Variants in IQSEC1 observed in about 807,000 individuals in gnomAD.
IQSEC1 encodes IQ motif and SEC7 domain-containing protein 1.
A neutral mutation model predicts 91.0 loss-of-function variants in IQSEC1; 31 were observed. That is an observed-to-expected ratio of 0.34 (90% CI 0.26 to 0.46). The LOEUF (loss-of-function observed/expected upper bound fraction) is 0.46. IQSEC1 is among the 20% of genes least tolerant of loss of function. The pLI, the probability that IQSEC1 is intolerant of heterozygous loss-of-function variation, is 1.00. For missense variants in IQSEC1, 1,388 were observed against 1,575.6 expected, an observed-to-expected ratio of 0.88 and a Z score of 2.02; for synonymous variants, 699 against 662.6, an observed-to-expected ratio of 1.05 and a Z score of -0.84.
At chr3:13,199,338 G>A (rs1041463320) in intron 1 of IQSEC1, among the ~76,000 whole-genome samples, 4 of 152,222 alleles carry the variant, frequency 2.6e-5, no homozygotes, top group Non-Finnish European at 4.4e-5. Context: ...GGCTCCAATT[G>A]TTGTGACTGA....
At chr3:12,910,263 C>T (rs547345431) in intron 10 of IQSEC1, among the ~76,000 whole-genome samples, 414 of 152,364 alleles carry the variant, frequency 2.7e-3, no homozygotes, top group African/African-American at 9.4e-3. Flanking sequence ...CCTGGAATGA[C>T]GGCATGTCCT....
intron 1 of IQSEC1, among the ~76,000 whole-genome samples, chr3:13,071,361 C>T (rs1161336865): frequency 2.0e-5 from 3 of 152,094 alleles, no homozygotes; most frequent in Non-Finnish European, 4.4e-5. Flanking sequence ...TGGAGGCAAG[C>T]AGGCACTGGG....
chr3:12,936,651 T>C lies in IQSEC1; in HGVS notation c.365A>G (p.His122Arg), dbSNP rs1342703452. 1.9e-6 allele frequency: 3 copies of C among 1,605,028 alleles called. No individual in the cohort carries two copies. Among genetic ancestry groups the C allele is most frequent in the Admixed American group, 3.4e-5 (2 of 58,996 alleles). Residue 122 changes from histidine (H) to arginine (R), a missense_variant, in exon 3 of 14, where the codon CAT (histidine) becomes CGT (arginine). Coordinates refer to ENST00000613206, the MANE Select transcript of IQSEC1 (RefSeq NM_001134382.3). ...CGCCGTCTGGATGGTGCGGGCCGCA[T>C]GGCGGGTTACCAGGCGCCCCCCATA... ...RKYGGRLVTR[H>R]AARTIQTAFR...
At chr3:12,995,965 A>G (rs576428016) in intron 1 of IQSEC1, among the ~76,000 whole-genome samples, 11 of 152,300 alleles carry the variant, frequency 7.2e-5, no homozygotes, top group Non-Finnish European at 1.0e-4. Context: ...GATCACTTGA[A>G]GCCAAGAGTT....
At chr3:13,215,688 A>G (rs912499141) in intron 1 of IQSEC1, among the ~76,000 whole-genome samples, 2 of 152,224 alleles carry the variant, frequency 1.3e-5, no homozygotes, top group Admixed American at 1.3e-4. Flanking sequence ...GAAGGCCGAC[A>G]TGGCCACTGC....
chr3:13,094,656 T>C (rs966303204), intron 2 of IQSEC1, among the ~76,000 whole-genome samples: 9 of 152,108 alleles, frequency 5.9e-5, no homozygotes, highest in Admixed American at 5.9e-4. Flanking sequence ...TTGTGGAAAC[T>C]GAGGACAGAT....
intron 2 of IQSEC1, among the ~76,000 whole-genome samples, chr3:13,149,884 T>C (rs1321498438): frequency 6.6e-6 from 1 of 152,194 alleles, no homozygotes; most frequent in Non-Finnish European, 1.5e-5. Flanking sequence ...TCATGACCTG[T>C]CTTCAAAGTT....
rs1273661527 is a variant in IQSEC1 at position 12,913,542 on chromosome 3, C to T, written c.2202G>A (p.Leu734=). ...AGTAGCAGACCAACCGACGGTGGGGCAGAGAGAGCACCTGTGTGGGAAGAG... is the reference window on the plus strand; with the variant it reads ...AGTAGCAGACCAACCGACGGTGGGGTAGAGAGAGCACCTGTGTGGGAAGAG... The part of the protein sequence containing the change: ...LHPGLGCVLS[L]PHRRLVCYCR... The change falls in exon 9 of 14, where the codon CTG becomes CTA. Residue 734 remains leucine, a synonymous_variant. Coordinates refer to ENST00000613206, the MANE Select transcript of IQSEC1 (RefSeq NM_001134382.3). 6.2e-7 allele frequency: 1 copy of T among 1,603,938 alleles called. No individual in the cohort carries two copies. Among genetic ancestry groups the T allele is most frequent in the African/African-American group, 1.3e-5 (1 of 74,762 alleles).
At chr3:13,055,922 G>A (rs1704862530) in intron 1 of IQSEC1, among the ~76,000 whole-genome samples, 1 of 152,058 alleles carries the variant, frequency 6.6e-6, no homozygotes, top group African/African-American at 2.4e-5. Flanking sequence ...GCATAGAGAG[G>A]CCCACCTGGC....
chr3:13,053,820 A>G (rs550678134), intron 1 of IQSEC1, among the ~76,000 whole-genome samples: 1 of 152,334 alleles, frequency 6.6e-6, no homozygotes, highest in South Asian at 2.1e-4. Context: ...CTCTTATTAA[A>G]TAAGTCACAT....
chr3:12,975,332 A>G (rs1260768771), intron 1 of IQSEC1, among the ~76,000 whole-genome samples: 4 of 152,218 alleles, frequency 2.6e-5, no homozygotes, highest in African/African-American at 7.2e-5. Context: ...ATGATCTTGA[A>G]TCTTGGGCAA....
At position 12,924,871 on chromosome 3, in the gene IQSEC1, G is replaced by A; in HGVS notation, c.1569-129C>T. On this transcript the variant is annotated intron_variant, in intron 3 of 13. Transcript: ENST00000613206. The surrounding 1 kb of genome is among the most constrained non-coding windows in gnomAD (Gnocchi z 6.3). ...CCCACCTGCACCGGCCTTCATCCCT[G>A]TAGGCATTCAGGGGTCTCTAGTTCC... The A allele has an allele frequency of 1.2e-6, 1 of 853,518 alleles. No homozygotes were observed. Among genetic ancestry groups the A allele is most frequent in the Middle Eastern group, 3.6e-4 (1 of 2,792 alleles). The allele number at this position is 853,518 out of a possible 1,614,324, so 52.9% of individuals were successfully genotyped here.
chr3:12,955,849 G>A (rs1302180323), intron 1 of IQSEC1, among the ~76,000 whole-genome samples: 4 of 152,162 alleles, frequency 2.6e-5, no homozygotes, highest in Non-Finnish European at 4.4e-5. Context: ...GGAGACCTCG[G>A]ACTGCACGGA....
rs962576574 is a variant in IQSEC1, at chr3:12,979,696, C to T, written c.24-37831G>A. ...TGGGTGATAAAGAGACATTAAAGGT[C>T]TGTCAGCATGCCGACCCTCCTGTCT... On this transcript the variant is annotated intron_variant, in intron 1 of 13. Coordinates refer to ENST00000613206, the MANE Select transcript of IQSEC1 (RefSeq NM_001134382.3). The surrounding 1 kb of genome is among the most constrained non-coding windows in gnomAD (Gnocchi z 4.3). Among the ~76,000 whole-genome samples the T allele has an allele frequency of 6.6e-6, 1 of 152,178 alleles. No individual in the cohort carries two copies. Among genetic ancestry groups the T allele is most frequent in the African/African-American group, 2.4e-5 (1 of 41,438 alleles).
intron 1 of IQSEC1, among the ~76,000 whole-genome samples, chr3:12,954,603 G>T (rs958846147): frequency 6.6e-5 from 10 of 152,234 alleles, no homozygotes; most frequent in Non-Finnish European, 1.3e-4. Context: ...TCACAGCATG[G>T]CTCCATATCT....
At chr3:13,007,303 G>T (rs1702678402) in intron 1 of IQSEC1, among the ~76,000 whole-genome samples, 1 of 152,238 alleles carries the variant, frequency 6.6e-6, no homozygotes, top group Admixed American at 6.5e-5. Context: ...GACAGAGCAG[G>T]TGGGGCTGGC....
chr3:12,923,189 CG>C (rs1222259669), intron 4 of IQSEC1, among the ~76,000 whole-genome samples: 1 of 151,872 alleles, frequency 6.6e-6, no homozygotes, highest in Non-Finnish European at 1.5e-5. Context: ...TGTGGTGGCC[CG>C]GGGGAGCCAG....
intron 1 of IQSEC1, among the ~76,000 whole-genome samples, chr3:13,029,416 C>G (rs1384970234): frequency 6.6e-6 from 1 of 152,212 alleles, no homozygotes; most frequent in Admixed American, 6.5e-5. Flanking sequence ...CAGCTTTGTT[C>G]TGAGACATGC....
At chr3:13,085,046 G>A (rs556550066) in intron 2 of IQSEC1, among the ~76,000 whole-genome samples, 1 of 152,268 alleles carries the variant, frequency 6.6e-6, no homozygotes, top group South Asian at 2.1e-4. Flanking sequence ...TGGGCTCAGA[G>A]GCCATAGATA....
Sources: allele counts gnomAD v4.1 joint callset (sites outside exome capture counted in the v4.1 genomes callset), GRCh38; gene constraint gnomAD v4.1.1; non-coding constraint Gnocchi (gnomAD v3.1); transcripts MANE v1.5; gene names NCBI Gene and HGNC (gene_info 2026-07-23, HGNC 2026-07-21).